Variants in EPS15L1 observed in about 807,000 individuals in gnomAD.
EPS15L1 encodes epidermal growth factor receptor substrate 15-like 1.
A neutral mutation model predicts 117.1 loss-of-function variants in EPS15L1; 43 were observed. The observed-to-expected ratio is 0.37, with a 90% CI of 0.29 to 0.47. The LOEUF is 0.47. Ranked by LOEUF, EPS15L1 falls within the 20% of genes least tolerant of loss-of-function variation. EPS15L1 has a pLI of 0.99. For synonymous variants in EPS15L1, 459 were observed against 470.5 expected, an observed-to-expected ratio of 0.98 and a Z score of 0.32; for missense variants, 981 against 1,164.0, an observed-to-expected ratio of 0.84 and a Z score of 2.29.
At chr19:16,433,128 T>G (rs1318159291) in intron 7 of EPS15L1, among the ~76,000 whole-genome samples, 2 of 149,858 alleles carry the variant, frequency 1.3e-5, no homozygotes, top group Non-Finnish European at 3.0e-5. Context: ...GGGTTTTTTT[T>G]GTTTTTGTTT....
chr19:16,420,124 C>T (rs558619359), intron 10 of EPS15L1, among the ~76,000 whole-genome samples: 5 of 152,356 alleles, frequency 3.3e-5, no homozygotes, highest in East Asian at 3.9e-4. Context: ...CCCAGCCACT[C>T]GCAGACACAT....
At position 16,393,023 on chromosome 19, in the gene EPS15L1, T is replaced by G. The variant is rs139388695; in HGVS notation, c.1967-583A>C. ...CGCCACTGCACTCCAGCCTAGGCAA[T>G]AGAGTAAAACCCCATCTCTAAATAA... On this transcript the variant is annotated intron_variant, in intron 18 of 23. Coordinates refer to ENST00000455140, the MANE Select transcript of EPS15L1 (RefSeq NM_001258374.3). Among the ~76,000 whole-genome samples the G allele has an allele frequency of 2.3e-4, 35 of 150,850 alleles. No homozygotes were observed. The East Asian group carries it at 6.7e-3, about 29-fold the overall frequency.
rs1009919595 is a variant in EPS15L1 at position 16,381,148 on chromosome 19, G to A, written c.2248-3894C>T. Among the ~76,000 whole-genome samples, 2 of 152,248 alleles carry A rather than the reference G, an allele frequency of 1.3e-5. No homozygotes were observed. The highest frequency in any genetic ancestry group is 4.8e-5 in the African/African-American group (2 of 41,464). On this transcript the variant is annotated intron_variant, in intron 21 of 23. Coordinates refer to ENST00000455140, the MANE Select transcript of EPS15L1 (RefSeq NM_001258374.3). This position sits in a 1 kb window ranked among gnomAD's most constrained non-coding sequence, Gnocchi z 4.2. ...CACGCCGCCCTCTGAAGCTGCCCAG[G>A]CAGGAGACACTCGCTCTGTGCTGAT...
chr19:16,414,432 G>A (rs900846620), intron 12 of EPS15L1, among the ~76,000 whole-genome samples: 12 of 151,484 alleles, frequency 7.9e-5, no homozygotes, highest in East Asian at 1.9e-4. Flanking sequence ...ACAGAGTCTC[G>A]CTCTGTCACC....
intron 1 of EPS15L1, among the ~76,000 whole-genome samples, chr19:16,453,003 T>C (rs948794737): frequency 6.6e-6 from 1 of 151,952 alleles, no homozygotes; most frequent in African/African-American, 2.4e-5. Flanking sequence ...GGTTTCACCG[T>C]GTTAGTCAGG....
chr19:16,459,212 G>A (rs2093225510), intron 1 of EPS15L1, among the ~76,000 whole-genome samples: 1 of 152,176 alleles, frequency 6.6e-6, no homozygotes, highest in African/African-American at 2.4e-5. Context: ...TATGCTTGGG[G>A]CCGCTGCCTG....
chr19:16,395,589 A>G, intron 16 of EPS15L1, 122 bp from the exon 17 acceptor site: 1 of 1,094,458 alleles, frequency 9.1e-7, no homozygotes, highest in Non-Finnish European at 1.3e-6. Context: ...AGAATGATTT[A>G]GCCAGGAGTT....
chr19:16,434,599 C>T (rs2092961250), intron 6 of EPS15L1, 109 bp from the exon 7 acceptor site: 1 of 1,206,104 alleles, frequency 8.3e-7, no homozygotes, highest in Non-Finnish European at 1.2e-6. Context: ...CCATCATCAC[C>T]CTTGGCTAAA....
intron 20 of EPS15L1, among the ~76,000 whole-genome samples, 188 bp from the exon 21 acceptor site, chr19:16,385,399 G>A (rs1170195709): frequency 3.9e-5 from 6 of 152,180 alleles, no homozygotes; most frequent in African/African-American, 1.2e-4. Context: ...ATGGCAAGAC[G>A]GTTTCTCACT....
intron 22 of EPS15L1, among the ~76,000 whole-genome samples, chr19:16,362,511 CTTTTTTT>C (rs71178690): frequency 2.7e-4 from 15 of 56,036 alleles, no homozygotes; most frequent in Non-Finnish European, 4.0e-4. Flanking sequence ...GGTTTAAGTT[CTTTTTTT>C]TTTTTTTTTT....
chr19:16,413,461 G>T (rs2092726877), intron 13 of EPS15L1: 1 of 751,614 alleles, frequency 1.3e-6, no homozygotes, highest in African/African-American at 1.7e-5. Context: ...CCCAACCTCT[G>T]GAAGGAGACT....
chr19:16,417,727 A>C, intron 11 of EPS15L1, 90 bp from the exon 12 acceptor site: 1 of 1,263,384 alleles, frequency 7.9e-7, no homozygotes. Context: ...CAGGGATAAA[A>C]TTGTCCCTTT....
rs1568382126 is a variant in EPS15L1 at position 16,355,655 on chromosome 19, C to T, written c.*50G>A. ...TGTATATATAGACATCTGCACTGCC[C>T]CCTCTCTGGAACCCGCCCGTGCCCT... is the stretch of plus-strand genomic sequence containing the variant. On this transcript the variant is annotated 3_prime_UTR_variant, in exon 24 of 24. Coordinates refer to ENST00000455140, the MANE Select transcript of EPS15L1 (RefSeq NM_001258374.3). The T allele has an allele frequency of 1.3e-6, 2 of 1,521,094 alleles. No homozygotes were observed. The highest frequency in any genetic ancestry group is 1.8e-6 in the Non-Finnish European group (2 of 1,136,562). 94.2% of individuals were successfully genotyped at this position (1,521,094 alleles called of 1,614,324 possible).
intron 22 of EPS15L1, among the ~76,000 whole-genome samples, chr19:16,374,866 CGCAT>C (rs1374487272): frequency 1.3e-5 from 2 of 152,200 alleles, no homozygotes; most frequent in Admixed American, 6.5e-5. Context: ...CACACACGCA[CGCAT>C]ATGTGTGTGC....
chr19:16,369,129 C>G (rs1434032913), intron 22 of EPS15L1, among the ~76,000 whole-genome samples: 1 of 152,212 alleles, frequency 6.6e-6, no homozygotes, highest in African/African-American at 2.4e-5. Context: ...ATCTAAGACA[C>G]ATGAGGGGAG....
rs192841564 is a variant in EPS15L1, at chr19:16,365,939, G to A, written c.2381-3955C>T. 7.4e-4 allele frequency among the ~76,000 whole-genome samples: 112 copies of A among 152,310 alleles called. No individual in the cohort carries two copies. The highest frequency in any genetic ancestry group is 1.5e-3 in the Admixed American group (23 of 15,300). On this transcript the variant is annotated intron_variant, in intron 22 of 23. Transcript: ENST00000455140. The surrounding 1 kb of genome is among the most constrained non-coding windows in gnomAD (Gnocchi z 4.9). ...TGTTACAGATTCCACGGGTCTCCAG[G>A]GACCTGGGGCCCTTTGGAGCAACAC...
intron 19 of EPS15L1, among the ~76,000 whole-genome samples, chr19:16,387,451 C>T (rs977095814): frequency 6.6e-6 from 1 of 152,170 alleles, no homozygotes; most frequent in Non-Finnish European, 1.5e-5. Flanking sequence ...ACTAAAAATA[C>T]AAAAAATTAG....
At chr19:16,395,027 C>G (rs1258520648) in intron 17 of EPS15L1, among the ~76,000 whole-genome samples, 1 of 151,938 alleles carries the variant, frequency 6.6e-6, no homozygotes, top group Non-Finnish European at 1.5e-5. Flanking sequence ...CGAGACCAGA[C>G]TGGGCAACAC....
At chr19:16,433,954 C>T (rs2092954001) in intron 7 of EPS15L1, among the ~76,000 whole-genome samples, 1 of 148,090 alleles carries the variant, frequency 6.8e-6, no homozygotes, top group East Asian at 2.0e-4. Context: ...CAGAGCAAGA[C>T]TCCATCTCAT....
Sources: gnomAD v4.1 joint callset for allele counts (sites outside exome capture counted in the v4.1 genomes callset) on GRCh38, gnomAD v4.1.1 for gene constraint, Gnocchi (gnomAD v3.1) non-coding constraint, MANE v1.5 for transcripts, NCBI Gene and HGNC (gene_info 2026-07-23, HGNC 2026-07-21) for gene names.